The following ZBTB20 variants were observed in gnomAD, a reference collection of about 807,000 sequenced individuals.
ZBTB20 encodes zinc finger and BTB domain-containing protein 20.
A neutral mutation model predicts 56.9 loss-of-function variants in ZBTB20; 9 were observed. The observed-to-expected ratio is 0.16, with a 90% CI of 0.10 to 0.28. The LOEUF is 0.28. ZBTB20 is among the 10% of genes least tolerant of loss of function. The probability of loss-of-function intolerance (pLI) is 1.00; values close to 1 mark genes in which losing one functional copy is unlikely to be tolerated. For synonymous variants in ZBTB20, 417 were observed against 420.7 expected (o/e 0.99, Z 0.11); for missense variants, 655 against 1,003.0 (o/e 0.65, Z 4.69).
rs974719619 is a variant in ZBTB20 at position 114,394,589 on chromosome 3, C to T, written c.-254-5484G>A. On this transcript the variant is annotated intron_variant, in intron 7 of 11. Coordinates refer to ENST00000675478, the MANE Select transcript of ZBTB20 (RefSeq NM_001348800.3). Reference sequence around the variant, plus strand: ...GTCTTCTCAAACTCTAATGAACAAACGAATCACCCAGGGCTTCTGATTCAG... The same window carrying T: ...GTCTTCTCAAACTCTAATGAACAAATGAATCACCCAGGGCTTCTGATTCAG... Among the ~76,000 whole-genome samples the T allele has an allele frequency of 2.6e-5, 4 of 152,184 alleles. No individual in the cohort carries two copies. In the South Asian group the frequency reaches 8.3e-4, roughly 32 times the overall value.
chr3:115,089,521 T>C (rs2083111114), intron 1 of ZBTB20, among the ~76,000 whole-genome samples: 1 of 151,876 alleles, frequency 6.6e-6, no homozygotes, highest in Non-Finnish European at 1.5e-5. Flanking sequence ...GCAACAATTA[T>C]GATAGCATGT....
intron 7 of ZBTB20, among the ~76,000 whole-genome samples, chr3:114,492,435 T>C (rs1407372042): frequency 6.6e-6 from 1 of 152,222 alleles, no homozygotes; most frequent in Non-Finnish European, 1.5e-5. Context: ...ATCCTTCATA[T>C]AGTTTGATAA....
intron 7 of ZBTB20, among the ~76,000 whole-genome samples, chr3:114,400,511 A>T (rs1004189080): frequency 2.0e-5 from 3 of 152,132 alleles, no homozygotes; most frequent in Admixed American, 6.5e-5. Context: ...AAGCACTGGC[A>T]GCAGCTCAAA....
At chr3:114,802,378 T>C (rs1229025801) in intron 4 of ZBTB20, among the ~76,000 whole-genome samples, 2 of 151,872 alleles carry the variant, frequency 1.3e-5, no homozygotes, top group Non-Finnish European at 2.9e-5. Context: ...TCTTGAAATG[T>C]ATAGAGGAAT....
rs559219576 is a variant in ZBTB20 at position 115,054,963 on chromosome 3, C to T, written c.-507+16256G>A. On this transcript the variant is annotated intron_variant, in intron 2 of 11. Coordinates refer to ENST00000675478, the MANE Select transcript of ZBTB20 (RefSeq NM_001348800.3). ...CTAATCCATGTAGAAGGTCTTCAAC[C>T]TCAGGTCTGAGTTCTTATAGAAATC... is the stretch of plus-strand genomic sequence containing the variant. 5.3e-5 allele frequency among the ~76,000 whole-genome samples: 8 copies of T among 152,144 alleles called. No individual in the cohort carries two copies. The East Asian group carries it at 1.5e-3, about 29-fold the overall frequency.
chr3:115,059,758 G>A (rs547081298), intron 2 of ZBTB20, among the ~76,000 whole-genome samples: 3 of 151,980 alleles, frequency 2.0e-5, no homozygotes, highest in African/African-American at 2.4e-5. Context: ...TTTCCCTTCT[G>A]TACATTATGA....
intron 5 of ZBTB20, among the ~76,000 whole-genome samples, chr3:114,784,468 A>AGTTCAAGTAG (rs2070345172): frequency 6.6e-6 from 1 of 152,246 alleles, no homozygotes; most frequent in Non-Finnish European, 1.5e-5. Context: ...CTGCCCAATC[A>AGTTCAAGTAG]TAAAAGAATT....
intron 5 of ZBTB20, among the ~76,000 whole-genome samples, chr3:114,768,502 A>G (rs2068942360): frequency 6.6e-6 from 1 of 152,116 alleles, no homozygotes; most frequent in African/African-American, 2.4e-5. Context: ...AACTCATCAG[A>G]CATATAGGAA....
chr3:115,055,316 A>T (rs1336743709), intron 2 of ZBTB20, among the ~76,000 whole-genome samples: 1 of 151,602 alleles, frequency 6.6e-6, no homozygotes, highest in Non-Finnish European at 1.5e-5. Context: ...AGAAACTGAG[A>T]CTTCCTACCA....
chr3:114,894,180 CTT>C (rs1309119182), intron 4 of ZBTB20, among the ~76,000 whole-genome samples: 7 of 152,180 alleles, frequency 4.6e-5, no homozygotes, highest in Admixed American at 3.3e-4. Context: ...AGCTATATGA[CTT>C]TGGACAAATT....
At chr3:114,827,366 A>C (rs1445648362) in intron 4 of ZBTB20, among the ~76,000 whole-genome samples, 3 of 151,674 alleles carry the variant, frequency 2.0e-5, no homozygotes, top group African/African-American at 7.2e-5. Flanking sequence ...AGGCATGAGA[A>C]AGGTAAAGGC....
At position 114,326,524 on chromosome 3, in the gene ZBTB20, A is replaced by G. The variant is rs1273622471; in HGVS notation, c.*12481T>C. The G allele has an allele frequency of 6.6e-6, 1 of 152,150 alleles. No homozygotes were observed. The highest frequency in any genetic ancestry group is 1.5e-5 in the Non-Finnish European group (1 of 67,998). The allele number at this position is 152,150 out of a possible 1,614,324, so 9.4% of individuals were successfully genotyped here. ...GGTAGGATGGAAGGCTTTTCTTTCTAAGGGGAAAATAATACAGTAAGGGTG... is the reference window on the plus strand; with the variant it reads ...GGTAGGATGGAAGGCTTTTCTTTCTGAGGGGAAAATAATACAGTAAGGGTG... On this transcript the variant is annotated 3_prime_UTR_variant, in exon 12 of 12. Transcript: ENST00000675478.
chr3:114,463,819 T>G (rs2092428835), intron 7 of ZBTB20, among the ~76,000 whole-genome samples: 1 of 152,204 alleles, frequency 6.6e-6, no homozygotes. Context: ...TTCGCCTAAG[T>G]TGAATTCATG....
chr3:114,944,309 C>A (rs1352986425), intron 3 of ZBTB20, among the ~76,000 whole-genome samples: 1 of 145,476 alleles, frequency 6.9e-6, no homozygotes, highest in Admixed American at 6.6e-5. Flanking sequence ...GAAAGGCTAC[C>A]TTCAAAAAGT....
chr3:114,871,332 A>G (rs1474895254), intron 4 of ZBTB20, among the ~76,000 whole-genome samples: 2 of 152,124 alleles, frequency 1.3e-5, no homozygotes, highest in Non-Finnish European at 2.9e-5. Context: ...CCAAATGCAG[A>G]GCTCTGCTAA....
At chr3:114,934,842 A>G (rs1253515373) in intron 3 of ZBTB20, among the ~76,000 whole-genome samples, 1 of 152,184 alleles carries the variant, frequency 6.6e-6, no homozygotes, top group Non-Finnish European at 1.5e-5. Context: ...ATAATTGTTA[A>G]TTATCATCAC....
intron 6 of ZBTB20, among the ~76,000 whole-genome samples, chr3:114,586,321 G>C (rs553736146): frequency 1.3e-5 from 2 of 152,308 alleles, no homozygotes; most frequent in Admixed American, 6.5e-5. Flanking sequence ...TTATTGGAAT[G>C]ACTACAAAGC....
At chr3:114,923,660 G>C (rs2076043327) in intron 3 of ZBTB20, among the ~76,000 whole-genome samples, 2 of 152,092 alleles carry the variant, frequency 1.3e-5, no homozygotes, top group East Asian at 3.9e-4. Flanking sequence ...TCTTGGCAAA[G>C]AGTTTTTGGA....
chr3:115,146,959 G>A (rs1412621665), intron 1 of ZBTB20, among the ~76,000 whole-genome samples: 1 of 150,702 alleles, frequency 6.6e-6, no homozygotes, highest in Non-Finnish European at 1.5e-5. Flanking sequence ...CAGCCGCCGG[G>A]CGCTAAGAAG....
Sources: allele counts gnomAD v4.1 joint callset (sites outside exome capture counted in the v4.1 genomes callset), GRCh38; gene constraint gnomAD v4.1.1; transcripts MANE v1.5; gene names NCBI Gene and HGNC (gene_info 2026-07-23, HGNC 2026-07-21).